KCNIP1: variants seen among roughly 807,000 people sequenced by gnomAD.
The protein encoded by KCNIP1 is potassium voltage-gated channel interacting protein 1.
A neutral mutation model predicts 33.0 loss-of-function variants in KCNIP1; 18 were observed. The ratio of observed to expected loss-of-function variants is 0.55; its 90% CI spans 0.38 to 0.81. KCNIP1 has a LOEUF of 0.81. Ranked by LOEUF, KCNIP1 falls within the 30% of genes least tolerant of loss-of-function variation. The pLI is 0.00. For missense variants in KCNIP1, 238 were observed against 271.6 expected, an observed-to-expected ratio of 0.88 and a Z score of 0.87; for synonymous variants, 93 against 98.3, an observed-to-expected ratio of 0.95 and a Z score of 0.32.
chr5:170,587,853 A>C (rs1758057688), intron 1 of KCNIP1, among the ~76,000 whole-genome samples: 2 of 152,218 alleles, frequency 1.3e-5, no homozygotes, highest in African/African-American at 2.4e-5. Flanking sequence ...TAGGACATGC[A>C]TCCCTAGGGA....
intron 1 of KCNIP1, among the ~76,000 whole-genome samples, chr5:170,412,968 T>G (rs1755234889): frequency 6.6e-6 from 1 of 152,200 alleles, no homozygotes; most frequent in South Asian, 2.1e-4. Context: ...GTGTATCTCC[T>G]GTCCCTCTGG....
At chr5:170,386,535 C>G (rs1176541978) in intron 1 of KCNIP1, among the ~76,000 whole-genome samples, 6 of 152,192 alleles carry the variant, frequency 3.9e-5, no homozygotes, top group African/African-American at 1.4e-4. Context: ...TTCCACGGCA[C>G]TTATCTCACA....
At chr5:170,728,073 C>T (rs780021294) in intron 5 of KCNIP1, among the ~76,000 whole-genome samples, 25 of 152,124 alleles carry the variant, frequency 1.6e-4, no homozygotes, top group Non-Finnish European at 3.2e-4. Context: ...AAGATCAAAC[C>T]ATTTGATGCT....
chr5:170,523,335 C>T (rs1208645788), intron 1 of KCNIP1, among the ~76,000 whole-genome samples: 5 of 152,174 alleles, frequency 3.3e-5, no homozygotes, highest in African/African-American at 1.2e-4. Flanking sequence ...GGAAGCCCTC[C>T]GCCAGGAAAG....
At chr5:170,563,394 T>C (rs554969817) in intron 1 of KCNIP1, among the ~76,000 whole-genome samples, 22 of 152,306 alleles carry the variant, frequency 1.4e-4, no homozygotes, top group South Asian at 2.1e-4. Flanking sequence ...ATGCCAGTTT[T>C]ATAACACTGA....
At chr5:170,382,002 T>C (rs1247918714) in intron 1 of KCNIP1, among the ~76,000 whole-genome samples, 2 of 151,922 alleles carry the variant, frequency 1.3e-5, no homozygotes, top group Non-Finnish European at 1.5e-5. Flanking sequence ...TTCAGCACTC[T>C]CAAGATCCCC....
chr5:170,572,897 A>T (rs1757472016), intron 1 of KCNIP1, among the ~76,000 whole-genome samples: 1 of 152,234 alleles, frequency 6.6e-6, no homozygotes, highest in African/African-American at 2.4e-5. Context: ...TGTTTACTCT[A>T]TTCCGGATAC....
chr5:170,401,271 T>C (rs1309110218), intron 1 of KCNIP1, among the ~76,000 whole-genome samples: 1 of 152,198 alleles, frequency 6.6e-6, no homozygotes, highest in Non-Finnish European at 1.5e-5. Context: ...TGTTACACAT[T>C]AATGAAAATG....
At chr5:170,475,368 T>C (rs1756833188) in intron 1 of KCNIP1, among the ~76,000 whole-genome samples, 1 of 152,154 alleles carries the variant, frequency 6.6e-6, no homozygotes, top group African/African-American at 2.4e-5. Flanking sequence ...ATGGCCTAAG[T>C]GTTATTCGAA....
chr5:170,656,512 C>T (rs1050243399), intron 1 of KCNIP1, among the ~76,000 whole-genome samples: 5 of 152,220 alleles, frequency 3.3e-5, no homozygotes, highest in Admixed American at 6.5e-5. Context: ...GCCTCAGCTG[C>T]CGCTGCCAGT....
chr5:170,517,380 A>G (rs1489442894), intron 1 of KCNIP1, among the ~76,000 whole-genome samples: 3 of 152,276 alleles, frequency 2.0e-5, no homozygotes, highest in Admixed American at 6.5e-5. Context: ...ACAGTTCAAC[A>G]TGGGATTTGG....
At chr5:170,530,744 AT>A (rs1755758166) in intron 1 of KCNIP1, among the ~76,000 whole-genome samples, 1 of 152,178 alleles carries the variant, frequency 6.6e-6, no homozygotes. Flanking sequence ...CTGAGGCTTG[AT>A]TTAGAAGGGT....
At chr5:170,555,133 A>G (rs1423848146) in intron 1 of KCNIP1, among the ~76,000 whole-genome samples, 2 of 152,158 alleles carry the variant, frequency 1.3e-5, no homozygotes, top group Non-Finnish European at 2.9e-5. Context: ...TTGCTCCACC[A>G]CTAAACAACT....
chr5:170,578,093 C>G (rs1245195806), intron 1 of KCNIP1, among the ~76,000 whole-genome samples: 1 of 152,306 alleles, frequency 6.6e-6, no homozygotes, highest in African/African-American at 2.4e-5. Context: ...CTTGAGTGCC[C>G]ACTATGTGGT....
At chr5:170,526,883 C>T (rs527682594) in intron 1 of KCNIP1, among the ~76,000 whole-genome samples, 20 of 152,154 alleles carry the variant, frequency 1.3e-4, no homozygotes, top group Non-Finnish European at 2.5e-4. Flanking sequence ...CCACCACACC[C>T]GGCTAATTTT....
intron 1 of KCNIP1, among the ~76,000 whole-genome samples, chr5:170,380,573 T>A (rs192024435): frequency 1.3e-5 from 2 of 152,204 alleles, no homozygotes; most frequent in South Asian, 2.1e-4. Context: ...GAAATGCAGA[T>A]GCTGCACTCA....
exon 1 of KCNIP1, chr5:170,353,787 A>T (rs1418977875): frequency 3.4e-6 from 4 of 1,192,768 alleles, no homozygotes; most frequent in Non-Finnish European, 4.9e-6. Flanking sequence ...GGGTTCATTC[A>T]CCCAGGCAGG....
At chr5:170,492,777 A>T (rs940091642) in intron 1 of KCNIP1, among the ~76,000 whole-genome samples, 13 of 151,948 alleles carry the variant, frequency 8.6e-5, no homozygotes, top group South Asian at 2.1e-4. Flanking sequence ...TTATTTATTT[A>T]TTTTTTGAGA....
At chr5:170,658,120 A>G (rs1000346671) in intron 1 of KCNIP1, among the ~76,000 whole-genome samples, 18 of 152,126 alleles carry the variant, frequency 1.2e-4, no homozygotes, top group African/African-American at 3.4e-4. Context: ...GGCATGGGGG[A>G]CTCCACCAAA....
Sources: gnomAD v4.1 joint callset for allele counts (sites outside exome capture counted in the v4.1 genomes callset) on GRCh38, gnomAD v4.1.1 for gene constraint, MANE v1.5 for transcripts, NCBI Gene and HGNC (gene_info 2026-07-23, HGNC 2026-07-21) for gene names.